The following LSP1 variants were observed in gnomAD, a reference collection of about 807,000 sequenced individuals.
LSP1 encodes the protein lymphocyte-specific protein 1.
Under a neutral mutation model 49.3 loss-of-function variants are expected in LSP1, and 32 were observed. The observed-to-expected ratio is 0.65, with a 90% CI of 0.49 to 0.87. The LOEUF (loss-of-function observed/expected upper bound fraction) is 0.87. Ranked by LOEUF, LSP1 falls within the 40% of genes least tolerant of loss-of-function variation. The probability of loss-of-function intolerance (pLI) is 0.00; values close to 1 mark genes in which losing one functional copy is unlikely to be tolerated. For synonymous variants in LSP1, 179 were observed against 178.8 expected (o/e 1.00, Z -0.01); for missense variants, 428 against 442.6 (o/e 0.97, Z 0.30).
In LSP1 at chr11:1,887,475, G is replaced by C; in HGVS notation, c.932G>C (p.Ser311Thr). Residue 311 changes from serine (S) to threonine (T), a missense_variant and splice_region_variant, in exon 10 of 11, where the codon AGC (serine) becomes ACC (threonine). Coordinates refer to ENST00000311604, the MANE Select transcript of LSP1 (RefSeq NM_002339.3). ...GGSKTSSTIK[S>T]TPSGKRYKFV... ...ACTCTTGGTCTCCTTTCCCAACAGA[G>C]CACCCCATCTGGGAAGAGGTATAAG... The C allele has an allele frequency of 1.2e-6, 2 of 1,613,772 alleles. No individual in the cohort carries two copies. Among genetic ancestry groups the C allele is most frequent in the Non-Finnish European group, 1.7e-6 (2 of 1,179,824 alleles).
intron 10 of LSP1, chr11:1,889,125 TG>T: frequency 4.8e-6 from 3 of 625,992 alleles, no homozygotes; most frequent in Admixed American, 2.7e-5. Flanking sequence ...TCCTGGGCTC[TG>T]GGGGCCATTC....
In LSP1 at chr11:1,880,103, A is replaced by G; in HGVS notation, c.70A>G (p.Ser24Gly). ...EELLGPTAQW[S>G]VEDEEEAVHE... ...CCCCACTAGGCCCACTGCTCAGTGG[A>G]GCGTGGAGGACGAGGAGGAGGCCGT... The change falls in exon 2 of 11, where the codon AGC becomes GGC. Residue 24 changes from serine to glycine, a missense_variant. Coordinates refer to ENST00000311604, the MANE Select transcript of LSP1 (RefSeq NM_002339.3). The G allele has an allele frequency of 1.2e-6, 2 of 1,609,378 alleles. No individual in the cohort carries two copies. The highest frequency in any genetic ancestry group is 1.7e-6 in the Non-Finnish European group (2 of 1,177,524).
Position 1,884,061 on chromosome 11 carries a change from C to G in LSP1, c.591+37C>G. 2 of 1,576,966 alleles carry G rather than the reference C, an allele frequency of 1.3e-6. No individual in the cohort carries two copies. The highest frequency in any genetic ancestry group is 1.7e-6 in the Non-Finnish European group (2 of 1,156,892). On this transcript the variant is annotated intron_variant, in intron 5 of 10. Coordinates refer to ENST00000311604, the MANE Select transcript of LSP1 (RefSeq NM_002339.3). The surrounding 1 kb of genome is among the most constrained non-coding windows in gnomAD (Gnocchi z 4.1). Reference sequence around the variant, plus strand: ...TGCAAAGCCTGCCATCTTCTCCCCTCTCCCGTACTCATACCCAAAAGGCCA... The same window carrying G: ...TGCAAAGCCTGCCATCTTCTCCCCTGTCCCGTACTCATACCCAAAAGGCCA...
chr11:1,887,362 AG>A lies in LSP1; in HGVS notation c.930+51del, dbSNP rs750980460. On this transcript the variant is annotated intron_variant, in intron 9 of 10. Transcript: ENST00000311604. ...GCAGGCAGGGTGGGTGCAGCAGGGG[AG>A]GGCAAAGAGGGACTGTCCTCTGTGC... 6 of 1,588,204 alleles carry A rather than the reference AG, an allele frequency of 3.8e-6. No individual in the cohort carries two copies. In the South Asian group the frequency reaches 4.4e-5, roughly 12 times the overall value.
At chr11:1,854,918 G>C (rs1003150718) in intron 1 of LSP1, among the ~76,000 whole-genome samples, 2 of 152,172 alleles carry the variant, frequency 1.3e-5, no homozygotes, top group Non-Finnish European at 2.9e-5. Context: ...CAAATGCCCT[G>C]GATCCCCCGG....
At chr11:1,863,216 G>A (rs989436658) in intron 1 of LSP1, 3 of 152,348 alleles carry the variant, frequency 2.0e-5, no homozygotes, top group Non-Finnish European at 2.9e-5. Context: ...GCTGCCCTCC[G>A]CGGTGATTCA....
Position 1,884,155 on chromosome 11 carries a change from G to A in LSP1, c.592-125G>A, listed in dbSNP as rs1347028946. On this transcript the variant is annotated intron_variant, in intron 5 of 10. Transcript: ENST00000311604. The surrounding 1 kb of genome is among the most constrained non-coding windows in gnomAD (Gnocchi z 4.1). ...TTTGTCTGCTATCCCCCCATTGCCC[G>A]GTGCTCAGCGAACCCCCATGATATA... 46 of 1,421,472 alleles carry A rather than the reference G, an allele frequency of 3.2e-5. 1 individual carries two copies. Among genetic ancestry groups the A allele is most frequent in the East Asian group, 4.6e-5 (2 of 43,776 alleles). The allele number at this position is 1,421,472 out of a possible 1,614,324, so 88.1% of individuals were successfully genotyped here. A position where few individuals can be genotyped will look rare whatever the true frequency, so the allele number is the denominator to read the frequency against.
At chr11:1,857,150 C>T (rs1161584763) in intron 1 of LSP1, among the ~76,000 whole-genome samples, 6 of 152,196 alleles carry the variant, frequency 3.9e-5, no homozygotes, top group Non-Finnish European at 1.5e-5. Flanking sequence ...GCGCTGCTGT[C>T]CACCGACACC....
intron 7 of LSP1, 35 bp from the exon 8 acceptor site, chr11:1,886,693 GTCCA>G: frequency 6.4e-7 from 1 of 1,569,890 alleles, no homozygotes; most frequent in South Asian, 1.2e-5. Context: ...CACGGTGGCT[GTCCA>G]CTAAGGTAAT....
intron 2 of LSP1, chr11:1,881,147 G>A: frequency 2.8e-6 from 1 of 363,508 alleles, no homozygotes; most frequent in Non-Finnish European, 5.0e-6. Flanking sequence ...CTGCCCTCAG[G>A]TAGCCCCAGG....
intron 2 of LSP1, 170 bp from the exon 3 acceptor site, chr11:1,881,262 G>T: frequency 1.6e-6 from 1 of 620,300 alleles, no homozygotes; most frequent in Non-Finnish European, 2.7e-6. Flanking sequence ...GCATAGCCCT[G>T]CCCTCAGGTA....
intron 1 of LSP1, among the ~76,000 whole-genome samples, chr11:1,864,737 T>A (rs1847731309): frequency 6.6e-6 from 1 of 151,006 alleles, no homozygotes; most frequent in Non-Finnish European, 1.5e-5. Context: ...CCCACAGGGA[T>A]GGGGACACAG....
intron 1 of LSP1, chr11:1,868,964 C>T (rs372498322): frequency 4.1e-5 from 40 of 986,006 alleles, no homozygotes; most frequent in African/African-American, 3.1e-4. Flanking sequence ...ACTGAGCATC[C>T]GGCTCAGAGC....
At chr11:1,889,812 A>C (rs1848914486) in intron 10 of LSP1, 1 of 638,328 alleles carries the variant, frequency 1.6e-6, no homozygotes, top group Admixed American at 2.7e-5. Context: ...CTCTCTGGGC[A>C]CTGAGGCCTG....
At position 1,884,342 on chromosome 11, in the gene LSP1, C is replaced by T; in HGVS notation, c.635+19C>T. The T allele has an allele frequency of 6.2e-7, 1 of 1,613,986 alleles. No individual in the cohort carries two copies. On this transcript the variant is annotated intron_variant, in intron 6 of 10. Transcript: ENST00000311604. This position sits in a 1 kb window ranked among gnomAD's most constrained non-coding sequence, Gnocchi z 4.1. The stretch of plus-strand genomic sequence containing the variant: ...AGAAGAGGTCTGTCTGTCTGTCTGT[C>T]TGCTTTCTGGGCTCAGATCTTAGGT...
intron 1 of LSP1, among the ~76,000 whole-genome samples, chr11:1,861,633 G>T (rs1432934416): frequency 6.6e-6 from 1 of 151,656 alleles, no homozygotes; most frequent in Non-Finnish European, 1.5e-5. Context: ...ATGGATAGGT[G>T]AATAGATGGA....
intron 1 of LSP1, among the ~76,000 whole-genome samples, chr11:1,863,839 T>C (rs1847705838): frequency 6.6e-6 from 1 of 152,104 alleles, no homozygotes; most frequent in Non-Finnish European, 1.5e-5. Flanking sequence ...GCTGTGCCAA[T>C]ACCAAACCGA....
chr11:1,867,002 G>C lies in LSP1; in HGVS notation c.54-13085G>C. On this transcript the variant is annotated intron_variant, in intron 1 of 10. Transcript: ENST00000311604. ...GACCTGGGGAGGAGACACTGAAGCCGCGTGGGCCCAGGCTCAGGGCCAGTC... is the reference window on the plus strand; with the variant it reads ...GACCTGGGGAGGAGACACTGAAGCCCCGTGGGCCCAGGCTCAGGGCCAGTC... 6.2e-6 allele frequency: 8 copies of C among 1,295,802 alleles called. No individual in the cohort carries two copies. The South Asian group carries it at 1.2e-4, about 20-fold the overall frequency. The allele number at this position is 1,295,802 out of a possible 1,614,324, so 80.3% of individuals were successfully genotyped here. A position where few individuals can be genotyped will look rare whatever the true frequency, so the allele number is the denominator to read the frequency against.
At chr11:1,869,079 C>G in intron 1 of LSP1, 1 of 910,000 alleles carries the variant, frequency 1.1e-6, no homozygotes, top group Non-Finnish European at 1.3e-6. Context: ...CTTGGGTGAC[C>G]CCTGGATGGG....
Sources: allele counts gnomAD v4.1 joint callset (sites outside exome capture counted in the v4.1 genomes callset), GRCh38; gene constraint gnomAD v4.1.1; non-coding constraint Gnocchi (gnomAD v3.1); transcripts MANE v1.5; gene names NCBI Gene and HGNC (gene_info 2026-07-23, HGNC 2026-07-21).